The following NF1 variants were observed in gnomAD, a reference collection of about 807,000 sequenced individuals.
NF1 encodes neurofibromin 1.
NF1 carries 122 observed loss-of-function variants against 325.7 expected under a neutral mutation model. The observed-to-expected ratio is 0.37, with a 90% CI of 0.32 to 0.44. The LOEUF (loss-of-function observed/expected upper bound fraction) is 0.44. Among genes scored for constraint, NF1 ranks in the 20% least tolerant of loss-of-function variants. The pLI is 1.00. For missense variants in NF1, 2,140 were observed against 3,415.4 expected (o/e 0.63, Z 9.31); for synonymous variants, 1,091 against 1,186.0 (o/e 0.92, Z 1.65).
chr17:31,170,711 A>G (rs1254940397), intron 5 of NF1, among the ~76,000 whole-genome samples: 1 of 152,228 alleles, frequency 6.6e-6, no homozygotes, highest in East Asian at 1.9e-4. Context: ...GATACCAATG[A>G]GTATTCATAA....
chr17:31,138,697 A>C (rs1915978324), intron 1 of NF1, among the ~76,000 whole-genome samples: 1 of 148,850 alleles, frequency 6.7e-6, no homozygotes, highest in Non-Finnish European at 1.5e-5. Flanking sequence ...AGGTTCACGC[A>C]ATTCTTCTGC....
intron 5 of NF1, among the ~76,000 whole-genome samples, chr17:31,175,553 T>C (rs925237472): frequency 6.6e-6 from 1 of 152,074 alleles, no homozygotes; most frequent in Admixed American, 6.6e-5. Flanking sequence ...ATACTTTAAG[T>C]TCTGGGGTAC....
chr17:31,103,095 C>T (rs886641228), intron 1 of NF1, among the ~76,000 whole-genome samples: 2 of 152,158 alleles, frequency 1.3e-5, no homozygotes, highest in Non-Finnish European at 2.9e-5. Flanking sequence ...CCTGCCTCAG[C>T]CTCCCAAAGT....
intron 8 of NF1, among the ~76,000 whole-genome samples, chr17:31,193,107 T>C (rs1258616004): frequency 6.6e-6 from 1 of 152,202 alleles, no homozygotes; most frequent in Non-Finnish European, 1.5e-5. Context: ...GATAGGTATA[T>C]AGTTCAGTGT....
chr17:31,202,337 A>C (rs951656335), intron 11 of NF1, among the ~76,000 whole-genome samples: 8 of 152,200 alleles, frequency 5.3e-5, no homozygotes, highest in African/African-American at 1.9e-4. Flanking sequence ...TGACCTGTTT[A>C]TAATCAAATT....
chr17:31,238,732 TAA>T (rs796369919), intron 29 of NF1, among the ~76,000 whole-genome samples: 33 of 120,832 alleles, frequency 2.7e-4, no homozygotes, highest in Admixed American at 5.0e-4. Flanking sequence ...AGACTCTGTC[TAA>T]AAAAAAAAAA....
rs926335233 is a variant in NF1, at chr17:31,230,314, G to A, written c.3045G>A (p.Leu1015=). The A allele has an allele frequency of 1.9e-6, 3 of 1,613,360 alleles. No individual in the cohort carries two copies. Among genetic ancestry groups the A allele is most frequent in the African/African-American group, 2.7e-5 (2 of 74,876 alleles). Residue 1015 remains leucine, a synonymous_variant, in exon 23 of 58, where the codon CTG becomes CTA. Coordinates refer to ENST00000358273, the MANE Select transcript of NF1 (RefSeq NM_001042492.3). ...MVHAIQIKTK[L]CQLVEVMMAR... ...ATGCAATTCAAATAAAAACGAAACT[G>A]TGTCAATTAGTTGAAGTAATGATGG... is the stretch of plus-strand genomic sequence containing the variant.
chr17:31,313,750 GTGTGTGT>G (rs1346923556), intron 36 of NF1, among the ~76,000 whole-genome samples: 1 of 150,222 alleles, frequency 6.7e-6, no homozygotes, highest in Non-Finnish European at 1.5e-5. Flanking sequence ...GTGTGTGTGT[GTGTGTGT>G]GAGATTAAAT....
intron 5 of NF1, among the ~76,000 whole-genome samples, chr17:31,177,545 A>C (rs923094009): frequency 6.6e-6 from 1 of 152,076 alleles, no homozygotes; most frequent in Non-Finnish European, 1.5e-5. Context: ...AGTAGGCTTC[A>C]GAAGATGGGT....
chr17:31,235,293 G>A (rs886171716), intron 27 of NF1, among the ~76,000 whole-genome samples: 1 of 152,142 alleles, frequency 6.6e-6, no homozygotes, highest in Non-Finnish European at 1.5e-5. Flanking sequence ...GTCATCTTCT[G>A]TTTCTGCTCT....
chr17:31,125,055 A>G (rs1245183710), intron 1 of NF1, among the ~76,000 whole-genome samples: 3 of 151,374 alleles, frequency 2.0e-5, no homozygotes, highest in South Asian at 2.1e-4. Flanking sequence ...AAACACCTCT[A>G]TGGCCCAAAT....
intron 36 of NF1, among the ~76,000 whole-genome samples, chr17:31,312,235 C>T (rs557219991): frequency 9.2e-5 from 14 of 152,046 alleles, no homozygotes; most frequent in South Asian, 2.1e-4. Flanking sequence ...TGGGACCAGG[C>T]GCAGTGGTTC....
chr17:31,196,952 T>C (rs1347555941), intron 8 of NF1, among the ~76,000 whole-genome samples: 1 of 152,234 alleles, frequency 6.6e-6, no homozygotes, highest in Non-Finnish European at 1.5e-5. Flanking sequence ...AGTTTTCAAA[T>C]AAGAAAGTGT....
At chr17:31,147,416 A>G (rs1916655715) in intron 1 of NF1, among the ~76,000 whole-genome samples, 1 of 152,222 alleles carries the variant, frequency 6.6e-6, no homozygotes, top group African/African-American at 2.4e-5. Flanking sequence ...TTTTCATGGT[A>G]TGACTATACC....
At chr17:31,308,977 G>A (rs1475963476) in intron 36 of NF1, among the ~76,000 whole-genome samples, 4 of 152,168 alleles carry the variant, frequency 2.6e-5, no homozygotes, top group African/African-American at 4.8e-5. Flanking sequence ...CTTATCTAGA[G>A]CATATTATGT....
intron 5 of NF1, among the ~76,000 whole-genome samples, chr17:31,174,264 G>T (rs2065980625): frequency 6.6e-6 from 1 of 152,134 alleles, no homozygotes; most frequent in South Asian, 2.1e-4. Context: ...TTAAAATGCA[G>T]TCTACTATTT....
At chr17:31,362,860 G>A (rs1252228355) in intron 57 of NF1, among the ~76,000 whole-genome samples, 2 of 152,138 alleles carry the variant, frequency 1.3e-5, no homozygotes, top group African/African-American at 4.8e-5. Context: ...ACCATTACAG[G>A]TTTCTCTGCT....
At chr17:31,349,350 C>A (rs2151573354) in intron 49 of NF1, 99 bp downstream of exon 49, 1 of 1,254,620 alleles carries the variant, frequency 8.0e-7, no homozygotes, top group Non-Finnish European at 1.1e-6. Context: ...GGTTGCGTGG[C>A]AGAGCAGAAA....
intron 36 of NF1, among the ~76,000 whole-genome samples, chr17:31,323,572 TTTGG>T (rs2069267840): frequency 6.6e-6 from 1 of 152,166 alleles, no homozygotes; most frequent in African/African-American, 2.4e-5. Flanking sequence ...ACCTAAGCCC[TTTGG>T]TTGGGCAGTT....
Sources: gnomAD v4.1 joint callset for allele counts (sites outside exome capture counted in the v4.1 genomes callset) on GRCh38, gnomAD v4.1.1 for gene constraint, MANE v1.5 for transcripts, NCBI Gene and HGNC (gene_info 2026-07-23, HGNC 2026-07-21) for gene names.